Variants in ATOH8 observed in about 807,000 individuals in gnomAD.
ATOH8 encodes atonal bHLH transcription factor 8, also known as transcription factor ATOH8.
In ATOH8, 9 loss-of-function variants were observed where a neutral mutation model predicts 21.2. That is an observed-to-expected ratio of 0.42 (90% CI 0.26 to 0.74). The LOEUF is 0.74. Among genes scored for constraint, ATOH8 ranks in the 30% least tolerant of loss-of-function variants. ATOH8 has a pLI of 0.24. For missense variants in ATOH8, 524 were observed against 470.9 expected (o/e 1.11, Z -1.04); for synonymous variants, 253 against 224.0 (o/e 1.13, Z -1.16).
chr2:85,774,730 C>T (rs1019091299), intron 2 of ATOH8: 3 of 985,376 alleles, frequency 3.0e-6, no homozygotes, highest in African/African-American at 1.7e-5. Context: ...AATAGAACAC[C>T]TGATAGGCCC....
At position 85,788,607 on chromosome 2, in the gene ATOH8, G is replaced by A. The variant is rs1680686257; in HGVS notation, c.*1717G>A. On this transcript the variant is annotated 3_prime_UTR_variant, in exon 3 of 3. Coordinates refer to ENST00000306279, the MANE Select transcript of ATOH8 (RefSeq NM_032827.7). ...GGAAGGGGTGATAAGATAAAAAATA[G>A]GAGAGCACTGTCAAGGCAGAAGGGA... is the stretch of plus-strand genomic sequence containing the variant. Among the ~76,000 whole-genome samples the A allele has an allele frequency of 6.6e-6, 1 of 152,190 alleles. No homozygotes were observed. Among genetic ancestry groups the A allele is most frequent in the East Asian group, 1.9e-4 (1 of 5,182 alleles).
Position 85,754,168 on chromosome 2 carries a change from T to C in ATOH8, c.-22T>C. ...GGCGGCCCGGGCAGCCCCACGCCCC[T>C]GCCTCGCGCGCCGCCCGCGCCATGA... On this transcript the variant is annotated 5_prime_UTR_variant, in exon 1 of 3. Transcript: ENST00000306279. 1 of 1,535,052 alleles carries C rather than the reference T, an allele frequency of 6.5e-7. No individual in the cohort carries two copies. Among genetic ancestry groups the C allele is most frequent in the South Asian group, 1.2e-5 (1 of 82,104 alleles).
intron 1 of ATOH8, among the ~76,000 whole-genome samples, chr2:85,759,946 G>C (rs896222663): frequency 6.6e-6 from 1 of 152,116 alleles, no homozygotes; most frequent in Non-Finnish European, 1.5e-5. Context: ...TTGCTCCTGC[G>C]ATCTCATTCT....
intron 2 of ATOH8, among the ~76,000 whole-genome samples, chr2:85,768,770 G>C (rs755547559): frequency 1.3e-5 from 2 of 152,158 alleles, no homozygotes; most frequent in African/African-American, 4.8e-5. Context: ...TCCTCGGCAG[G>C]GGGTGGGGAA....
chr2:85,760,312 T>C (rs1274473670), intron 1 of ATOH8, among the ~76,000 whole-genome samples: 3 of 151,838 alleles, frequency 2.0e-5, no homozygotes. Flanking sequence ...GCCCGTGTCC[T>C]CTGACCAGGG....
intron 2 of ATOH8, among the ~76,000 whole-genome samples, chr2:85,775,710 G>C (rs1443012628): frequency 6.6e-6 from 1 of 152,276 alleles, no homozygotes; most frequent in African/African-American, 2.4e-5. Context: ...GTCTTGCCCA[G>C]ACAGCCCCTC....
intron 1 of ATOH8, among the ~76,000 whole-genome samples, chr2:85,757,418 G>A (rs1679739338): frequency 6.6e-6 from 1 of 152,258 alleles, no homozygotes; most frequent in South Asian, 2.1e-4. Flanking sequence ...CTGGAGCTAG[G>A]CTCGGGCCTG....
chr2:85,783,662 G>A (rs1472382424), intron 2 of ATOH8: 1 of 152,204 alleles, frequency 6.6e-6, no homozygotes, highest in Non-Finnish European at 1.5e-5. Flanking sequence ...CCAGAGCCTT[G>A]GCCGGCAGCA....
rs200344247 is a variant in ATOH8 at position 85,767,037 on chromosome 2, C to CT, written c.960+2862dup. Among the ~76,000 whole-genome samples, 274 of 152,218 alleles carry CT rather than the reference C, an allele frequency of 1.8e-3. 3 individuals carry two copies. Among genetic ancestry groups the CT allele is most frequent in the African/African-American group, 6.4e-3 (267 of 41,554 alleles). On this transcript the variant is annotated intron_variant, in intron 2 of 2. Coordinates refer to ENST00000306279, the MANE Select transcript of ATOH8 (RefSeq NM_032827.7). ...GCCTCCTGGGGCCCCTTGTCCTTCC[C>CT]TTTTTTTGGGGGGCTTGAGATGGCA...
intron 1 of ATOH8, among the ~76,000 whole-genome samples, chr2:85,755,557 C>A (rs1679664547): frequency 6.6e-6 from 1 of 152,196 alleles, no homozygotes; most frequent in African/African-American, 2.4e-5. Flanking sequence ...TCTAGCAGAT[C>A]CCTTCCTTTC....
In ATOH8 at chr2:85,754,551, TC is replaced by T; in HGVS notation, c.366del (p.Thr123ArgfsTer76). On this transcript the variant is annotated frameshift_variant, in exon 1 of 3. Transcript: ENST00000306279. LOFTEE classifies it high-confidence loss of function. ...CFALGAVGPG[L>X]PTPPPPPPPA... ...GCCCTAGGCGCAGTGGGGCCAGGAC[TC>T]CCCACGCCGCCGCCGCCGCCGCCTC... 2 of 1,436,960 alleles carry T rather than the reference TC, an allele frequency of 1.4e-6. No homozygotes were observed. Among genetic ancestry groups the T allele is most frequent in the East Asian group, 2.8e-5 (1 of 35,306 alleles). The allele number at this position is 1,436,960 out of a possible 1,614,324, so 89.0% of individuals were successfully genotyped here.
rs1679593976 is a variant in ATOH8, at chr2:85,754,224, G to A, written c.35G>A (p.Trp12Ter). ...ATCCCGGTCCTCGAGGACGGGCCGT[G>A]GAAGACCGTGTGCGTGAAGGAGCTG... ...KHIPVLEDGP[W>*]KTVCVKELNG... The change falls in exon 1 of 3, where the codon TGG (tryptophan) becomes TAG (stop). Residue 12 changes from tryptophan to a stop codon, truncating the protein, a stop_gained. Coordinates refer to ENST00000306279, the MANE Select transcript of ATOH8 (RefSeq NM_032827.7). LOFTEE classifies it high-confidence loss of function. 1 of 1,604,734 alleles carries A rather than the reference G, an allele frequency of 6.2e-7. No homozygotes were observed. Among genetic ancestry groups the A allele is most frequent in the Admixed American group, 1.7e-5 (1 of 59,662 alleles).
intron 1 of ATOH8, among the ~76,000 whole-genome samples, chr2:85,757,021 G>A (rs769349719): frequency 1.3e-5 from 2 of 152,224 alleles, no homozygotes; most frequent in Non-Finnish European, 2.9e-5. Flanking sequence ...CAGGGAGAGC[G>A]TGTGTATGCA....
chr2:85,786,329 A>C (rs538453799), intron 2 of ATOH8, among the ~76,000 whole-genome samples: 1 of 152,208 alleles, frequency 6.6e-6, no homozygotes, highest in South Asian at 2.1e-4. Flanking sequence ...AGGAGCTTTC[A>C]TCGATCTGCT....
intron 2 of ATOH8, among the ~76,000 whole-genome samples, chr2:85,777,133 CTGGGGGCATTT>C (rs1162503675): frequency 2.6e-5 from 4 of 152,228 alleles, no homozygotes; most frequent in African/African-American, 7.2e-5. Context: ...TGTTCTAGTG[CTGGGGGCATTT>C]TGGAGAATAA....
intron 1 of ATOH8, among the ~76,000 whole-genome samples, chr2:85,763,288 C>T (rs1226043148): frequency 6.6e-6 from 1 of 152,158 alleles, no homozygotes; most frequent in African/African-American, 2.4e-5. Context: ...CCATACAAAT[C>T]CCTGTGCAAT....
chr2:85,770,257 G>A (rs1299643834), intron 2 of ATOH8, among the ~76,000 whole-genome samples: 1 of 152,190 alleles, frequency 6.6e-6, no homozygotes, highest in Non-Finnish European at 1.5e-5. Context: ...GAACTTGCCT[G>A]AGATCACCTA....
chr2:85,786,734 G>A, intron 2 of ATOH8, 151 bp from the exon 3 acceptor site: 1 of 945,222 alleles, frequency 1.1e-6, no homozygotes, highest in Non-Finnish European at 1.7e-6. Context: ...AGCCAGGCCG[G>A]GGTTTGAATC....
At chr2:85,778,834 G>T (rs1680406278) in intron 2 of ATOH8, among the ~76,000 whole-genome samples, 1 of 152,264 alleles carries the variant, frequency 6.6e-6, no homozygotes, top group Admixed American at 6.5e-5. Flanking sequence ...TACATGTCGT[G>T]TGGGGGTGTC....
Sources: allele counts gnomAD v4.1 joint callset (sites outside exome capture counted in the v4.1 genomes callset), GRCh38; gene constraint gnomAD v4.1.1; transcripts MANE v1.5; gene names NCBI Gene and HGNC (gene_info 2026-07-23, HGNC 2026-07-21).